The following ERC1 variants were observed in gnomAD, a reference collection of about 807,000 sequenced individuals.
The protein encoded by ERC1 is ELKS/RAB6-interacting/CAST family member 1, also known as RAB6 interacting protein 2.
A neutral mutation model predicts 132.0 loss-of-function variants in ERC1; 56 were observed. The observed-to-expected ratio is 0.42, with a 90% CI of 0.34 to 0.53. The LOEUF (loss-of-function observed/expected upper bound fraction) is 0.53. Ranked by LOEUF, ERC1 falls within the 20% of genes least tolerant of loss-of-function variation. The pLI is 0.03. For synonymous variants in ERC1, 478 were observed against 476.1 expected (o/e 1.00, Z -0.05); for missense variants, 1,202 against 1,349.9 (o/e 0.89, Z 1.72).
chr12:1,164,271 G>GTTATTTTATGTTATTTTATTTTGTTATT lies in ERC1; in HGVS notation c.1738-16221_1738-16194dup, dbSNP rs1385669987. Among the ~76,000 whole-genome samples, 41 of 73,128 alleles carry GTTATTTTATGTTATTTTATTTTGTTATT rather than the reference G, an allele frequency of 5.6e-4. 2 individuals are homozygous for GTTATTTTATGTTATTTTATTTTGTTATT. Among genetic ancestry groups the GTTATTTTATGTTATTTTATTTTGTTATT allele is most frequent in the Non-Finnish European group, 1.1e-3 (38 of 34,054 alleles). The allele number at this position is 73,128 out of a possible 152,430, so 48.0% of individuals were successfully genotyped here. A position where few individuals can be genotyped will look rare whatever the true frequency, so the allele number is the denominator to read the frequency against. The stretch of plus-strand genomic sequence containing the variant: ...ATTTTATTTTATTTTATTTTATGTT[G>GTTATTTTATGTTATTTTATTTTGTTATT]TTATTTTATGTTATTTTATTTTGTT... On this transcript the variant is annotated intron_variant, in intron 8 of 18. Coordinates refer to ENST00000360905, the MANE Select transcript of ERC1 (RefSeq NM_178040.4).
intron 14 of ERC1, among the ~76,000 whole-genome samples, chr12:1,277,448 A>T (rs188836251): frequency 1.3e-5 from 2 of 152,352 alleles, no homozygotes; most frequent in East Asian, 3.9e-4. Flanking sequence ...TAGGTTCATA[A>T]TATTATTAAG....
intron 15 of ERC1, among the ~76,000 whole-genome samples, chr12:1,317,694 C>T (rs1220651353): frequency 1.3e-5 from 2 of 152,192 alleles, no homozygotes; most frequent in African/African-American, 4.8e-5. Flanking sequence ...CCCACTTTCA[C>T]ACAACCAGAG....
intron 1 of ERC1, among the ~76,000 whole-genome samples, chr12:1,024,531 TC>T (rs1565804750): frequency 6.6e-6 from 1 of 152,180 alleles, no homozygotes; most frequent in South Asian, 2.1e-4. Flanking sequence ...CTTTAGAATC[TC>T]ATTTTTGACA....
rs140140472 is a variant in ERC1 at position 1,154,213 on chromosome 12, GTATGTATATGTATATGTA to G, written c.1737+12456_1737+12473del. ...GAGTAGTATTCCATGGTGTGTGTGT[GTATGTATATGTATATGTA>G]TATGTATATGTATATGTATATGTAT... On this transcript the variant is annotated intron_variant, in intron 8 of 18. Coordinates refer to ENST00000360905, the MANE Select transcript of ERC1 (RefSeq NM_178040.4). Among the ~76,000 whole-genome samples the G allele has an allele frequency of 2.0e-3, 282 of 142,984 alleles. 1 individual carries two copies. Among genetic ancestry groups the G allele is most frequent in the African/African-American group, 5.9e-3 (224 of 38,210 alleles). 93.8% of individuals were successfully genotyped at this position (142,984 alleles called of 152,430 possible). A position where few individuals can be genotyped will look rare whatever the true frequency, so the allele number is the denominator to read the frequency against.
intron 16 of ERC1, among the ~76,000 whole-genome samples, chr12:1,395,721 A>G (rs1347509686): frequency 6.6e-6 from 1 of 152,204 alleles, no homozygotes; most frequent in Non-Finnish European, 1.5e-5. Context: ...AAGGATTACA[A>G]AAACGGTCAT....
chr12:1,320,839 C>A (rs538794956), intron 15 of ERC1, among the ~76,000 whole-genome samples: 2 of 152,220 alleles, frequency 1.3e-5, no homozygotes, highest in East Asian at 3.9e-4. Flanking sequence ...GTAGCTGGGA[C>A]TACAGGCGCC....
intron 1 of ERC1, among the ~76,000 whole-genome samples, chr12:993,475 C>T (rs118127350): frequency 6.6e-6 from 1 of 152,186 alleles, no homozygotes; most frequent in East Asian, 1.9e-4. Context: ...TTTTATTTTT[C>T]AAAAAATGTT....
At chr12:1,345,146 G>A (rs1230914960) in intron 15 of ERC1, among the ~76,000 whole-genome samples, 1 of 150,282 alleles carries the variant, frequency 6.7e-6, no homozygotes, top group African/African-American at 2.5e-5. Flanking sequence ...AATTTTACTT[G>A]ACATTAGCAG....
At chr12:1,213,542 G>C (rs903226028) in intron 12 of ERC1, among the ~76,000 whole-genome samples, 4 of 151,966 alleles carry the variant, frequency 2.6e-5, no homozygotes. Context: ...TTTGAGACTA[G>C]CAGGGCCAAC....
At chr12:1,303,662 A>T (rs2080596123) in intron 15 of ERC1, among the ~76,000 whole-genome samples, 1 of 145,678 alleles carries the variant, frequency 6.9e-6, no homozygotes, top group Admixed American at 6.9e-5. Flanking sequence ...AATAAATAAA[A>T]ATAATTCTAT....
rs1565726061 is a variant in ERC1, at chr12:991,284, T to TGGCGGCGGCGGCGGTGCCC, written c.-193_-192insCGGCGGCGGCGGTGCCCGG. On this transcript the variant is annotated 5_prime_UTR_variant, in exon 1 of 19. Coordinates refer to ENST00000360905, the MANE Select transcript of ERC1 (RefSeq NM_178040.4). The stretch of plus-strand genomic sequence containing the variant: ...CGGTAGTGGCGGCGGCGGCGGTGCC[T>TGGCGGCGGCGGCGGTGCCC]GGGCGGCAGCAGCAGCAGTAGCGGC... The TGGCGGCGGCGGCGGTGCCC allele has an allele frequency of 4.2e-5, 7 of 165,534 alleles. No individual in the cohort carries two copies. Among genetic ancestry groups the TGGCGGCGGCGGCGGTGCCC allele is most frequent in the African/African-American group, 1.7e-4 (7 of 41,056 alleles). 10.3% of individuals were successfully genotyped at this position (165,534 alleles called of 1,614,324 possible). A position where few individuals can be genotyped will look rare whatever the true frequency, so the allele number is the denominator to read the frequency against.
chr12:1,429,599 A>G (rs1262911194), intron 17 of ERC1, among the ~76,000 whole-genome samples: 1 of 152,204 alleles, frequency 6.6e-6, no homozygotes. Flanking sequence ...GGTACGTGGT[A>G]AAAAATACAT....
chr12:1,284,771 A>G (rs951881665), intron 14 of ERC1, among the ~76,000 whole-genome samples: 1 of 152,104 alleles, frequency 6.6e-6, no homozygotes, highest in Non-Finnish European at 1.5e-5. Context: ...CCTGGGCTCA[A>G]GCAACCCTCC....
chr12:1,092,060 G>A lies in ERC1; in HGVS notation c.1086+8480G>A, dbSNP rs542050000. Among the ~76,000 whole-genome samples the A allele has an allele frequency of 2.7e-5, 4 of 147,488 alleles. No homozygotes were observed. In the South Asian group the frequency reaches 8.5e-4, roughly 31 times the overall value. On this transcript the variant is annotated intron_variant, in intron 3 of 18. Coordinates refer to ENST00000360905, the MANE Select transcript of ERC1 (RefSeq NM_178040.4). ...GTTGCCCAGGCTGGAGTGCAATGGT[G>A]CGATCTCGGCTCACTGCAACCTGCG... is the stretch of plus-strand genomic sequence containing the variant.
intron 2 of ERC1, among the ~76,000 whole-genome samples, chr12:1,065,293 G>T (rs12582445): frequency 0.05 from 7,560 of 152,188 alleles, 345 homozygotes; most frequent in Admixed American, 0.15. Context: ...GAGCCACCGC[G>T]CCCAGCCCTG....
chr12:1,211,924 C>T (rs896256375), intron 12 of ERC1, among the ~76,000 whole-genome samples: 5 of 152,028 alleles, frequency 3.3e-5, no homozygotes, highest in Non-Finnish European at 7.4e-5. Flanking sequence ...AGGCTCTTTA[C>T]CTTATTTAAG....
chr12:998,928 T>G (rs993777499), intron 1 of ERC1, among the ~76,000 whole-genome samples: 1 of 150,340 alleles, frequency 6.7e-6, no homozygotes, highest in African/African-American at 2.5e-5. Flanking sequence ...GGCACAATCT[T>G]GGCTCACTGC....
At chr12:1,321,345 T>A (rs2082105208) in intron 15 of ERC1, among the ~76,000 whole-genome samples, 1 of 152,218 alleles carries the variant, frequency 6.6e-6, no homozygotes, top group South Asian at 2.1e-4. Flanking sequence ...TGTGTGTGTA[T>A]ATTTTGCTCT....
intron 16 of ERC1, among the ~76,000 whole-genome samples, chr12:1,373,100 A>G (rs556039520): frequency 6.6e-6 from 1 of 152,348 alleles, no homozygotes; most frequent in East Asian, 1.9e-4. Flanking sequence ...AAACTTTTCC[A>G]GGGTCCTAAA....
Sources: gnomAD v4.1 joint callset for allele counts (sites outside exome capture counted in the v4.1 genomes callset) on GRCh38, gnomAD v4.1.1 for gene constraint, MANE v1.5 for transcripts, NCBI Gene and HGNC (gene_info 2026-07-23, HGNC 2026-07-21) for gene names.